The following TRAPPC9 variants were observed in gnomAD, a reference collection of about 807,000 sequenced individuals.
TRAPPC9 encodes the protein IKK2 binding protein.
TRAPPC9 carries 83 observed loss-of-function variants against 124.0 expected under a neutral mutation model. The ratio of observed to expected loss-of-function variants is 0.67; its 90% confidence interval spans 0.56 to 0.80. The LOEUF (loss-of-function observed/expected upper bound fraction) is 0.80. Ranked by LOEUF, TRAPPC9 falls within the 30% of genes least tolerant of loss-of-function variation. The probability of loss-of-function intolerance (pLI) is 0.00; values close to 1 mark genes in which losing one functional copy is unlikely to be tolerated. For missense variants in TRAPPC9, 1,302 were observed against 1,508.3 expected, an observed-to-expected ratio of 0.86 and a Z score of 2.27; for synonymous variants, 638 against 617.5, an observed-to-expected ratio of 1.03 and a Z score of -0.49.
chr8:140,393,488 C>T (rs542630522), intron 7 of TRAPPC9, among the ~76,000 whole-genome samples: 1 of 152,150 alleles, frequency 6.6e-6, no homozygotes, highest in East Asian at 1.9e-4. Flanking sequence ...TTATCATAAA[C>T]CATTCACCTA....
intron 17 of TRAPPC9, among the ~76,000 whole-genome samples, chr8:140,166,667 T>C (rs1194864598): frequency 6.6e-6 from 1 of 152,214 alleles, no homozygotes; most frequent in African/African-American, 2.4e-5. Flanking sequence ...GATACTGAGC[T>C]GGGGTCTGGA....
chr8:139,963,990 C>T (rs566562427), intron 19 of TRAPPC9, among the ~76,000 whole-genome samples: 4 of 152,038 alleles, frequency 2.6e-5, no homozygotes, highest in African/African-American at 4.8e-5. Context: ...TTTGGGAGGC[C>T]GAGGCGGGTG....
Position 140,354,174 on chromosome 8 carries a change from T to C in TRAPPC9, c.1495+5876A>G, listed in dbSNP as rs541029398. ...ACAAATATGTGCCATTCTAAACCTT[T>C]CACAAAGGAAGGAATCCCTCTGCCC... On this transcript the variant is annotated intron_variant, in intron 9 of 22. Transcript: ENST00000438773. Among the ~76,000 whole-genome samples, 7 of 152,314 alleles carry C rather than the reference T, an allele frequency of 4.6e-5. No individual in the cohort carries two copies. The East Asian group carries it at 1.2e-3, about 25-fold the overall frequency.
chr8:140,418,151 GTATACCTA>G (rs1413930895), intron 5 of TRAPPC9, among the ~76,000 whole-genome samples: 1 of 152,132 alleles, frequency 6.6e-6, no homozygotes, highest in Non-Finnish European at 1.5e-5. Context: ...CATGGCACGT[GTATACCTA>G]TATAACAAAC....
intron 9 of TRAPPC9, among the ~76,000 whole-genome samples, chr8:140,319,537 G>A (rs1367857170): frequency 6.6e-6 from 1 of 151,784 alleles, no homozygotes; most frequent in Non-Finnish European, 1.5e-5. Flanking sequence ...GTACAGTGGC[G>A]CGATCTGCAA....
At chr8:140,090,609 G>A (rs754454803) in intron 17 of TRAPPC9, among the ~76,000 whole-genome samples, 3 of 152,244 alleles carry the variant, frequency 2.0e-5, no homozygotes, top group Non-Finnish European at 4.4e-5. Flanking sequence ...CGCCAGCTGC[G>A]TAGAGGTCCG....
In TRAPPC9 at chr8:140,450,980, C is replaced by T. The variant is rs754722286; in HGVS notation, c.394G>A (p.Val132Met). Reference protein sequence around the residue: ...GEIVEQPRTDVAFYPNYEDCQ... With the variant: ...GEIVEQPRTDMAFYPNYEDCQ... ...TCCTCGTAGTTGGGGTAGAAAGCCACGTCGGTGCGCGGCTGCTCCACGATC... is the reference window on the plus strand; with the variant it reads ...TCCTCGTAGTTGGGGTAGAAAGCCATGTCGGTGCGCGGCTGCTCCACGATC... The change falls in exon 2 of 23, where the codon GTG becomes ATG. Residue 132 changes from valine (V) to methionine (M), a missense_variant. Around this residue, in one of 3 missense-constraint regions of TRAPPC9, gnomAD observed 657 missense variants for 811.2 expected, o/e 0.81. Coordinates refer to ENST00000438773, the MANE Select transcript of TRAPPC9 (RefSeq NM_001160372.4). 2.5e-6 allele frequency: 4 copies of T among 1,614,144 alleles called. No individual in the cohort carries two copies. Among genetic ancestry groups the T allele is most frequent in the East Asian group, 2.2e-5 (1 of 44,876 alleles).
chr8:140,181,279 G>A (rs1036988780), intron 17 of TRAPPC9, among the ~76,000 whole-genome samples: 4 of 152,028 alleles, frequency 2.6e-5, no homozygotes, highest in Admixed American at 6.6e-5. Flanking sequence ...GGGGCATGGG[G>A]AGACAGAATC....
rs114709021 is a variant in TRAPPC9, at chr8:140,028,038, G to A, written c.2557-3959C>T. ...TAACCACATCAAAAGGTTTTCTGAA[G>A]TTCAGTGTCACTGCCTTACCTCTTT... On this transcript the variant is annotated intron_variant, in intron 17 of 22. Transcript: ENST00000438773. Among the ~76,000 whole-genome samples, 737 of 152,190 alleles carry A rather than the reference G, an allele frequency of 4.8e-3. 6 individuals carry two copies. The highest frequency in any genetic ancestry group is 0.017 in the African/African-American group (694 of 41,512).
intron 9 of TRAPPC9, among the ~76,000 whole-genome samples, chr8:140,338,005 A>G (rs955725700): frequency 6.6e-6 from 1 of 152,192 alleles, no homozygotes; most frequent in African/African-American, 2.4e-5. Context: ...TGAACGTTCT[A>G]AAGAGGGCCT....
At chr8:139,843,004 C>A (rs911718214) in intron 21 of TRAPPC9, among the ~76,000 whole-genome samples, 8 of 152,232 alleles carry the variant, frequency 5.3e-5, no homozygotes, top group Non-Finnish European at 1.0e-4. Context: ...ACCTGGCCTG[C>A]CCCAGCCACT....
At chr8:139,903,227 C>T (rs1040080607) in intron 20 of TRAPPC9, among the ~76,000 whole-genome samples, 12 of 152,186 alleles carry the variant, frequency 7.9e-5, no homozygotes, top group African/African-American at 2.9e-4. Context: ...ACTCCAATCC[C>T]CTACTCTGGG....
intron 21 of TRAPPC9, among the ~76,000 whole-genome samples, chr8:139,761,216 T>G (rs886496383): frequency 1.3e-5 from 2 of 152,132 alleles, no homozygotes; most frequent in Admixed American, 6.5e-5. Flanking sequence ...GGGGGACCTG[T>G]TGGTAAAGGC....
intron 17 of TRAPPC9, among the ~76,000 whole-genome samples, chr8:140,107,737 A>G (rs1229583978): frequency 6.6e-6 from 1 of 152,204 alleles, no homozygotes; most frequent in Admixed American, 6.5e-5. Flanking sequence ...CAGCCATGAG[A>G]AGAGCTGAGG....
At chr8:139,757,747 T>C (rs1014019257) in intron 21 of TRAPPC9, among the ~76,000 whole-genome samples, 1 of 152,074 alleles carries the variant, frequency 6.6e-6, no homozygotes, top group African/African-American at 2.4e-5. Flanking sequence ...TGGGGCCTGG[T>C]GGGCTGAGTG....
intron 17 of TRAPPC9, among the ~76,000 whole-genome samples, chr8:140,113,263 T>C (rs565763107): frequency 1.3e-5 from 2 of 152,320 alleles, no homozygotes; most frequent in East Asian, 3.9e-4. Flanking sequence ...AGCAGCGCCA[T>C]CCCAGGCAGC....
intron 17 of TRAPPC9, chr8:140,095,622 A>C (rs534808272): frequency 6.6e-6 from 1 of 152,180 alleles, no homozygotes; most frequent in African/African-American, 2.4e-5. Flanking sequence ...CCCACCAAAG[A>C]AAACCACTTT....
chr8:139,910,435 C>A, intron 19 of TRAPPC9, 135 bp from the exon 20 acceptor site: 1 of 989,760 alleles, frequency 1.0e-6, no homozygotes, highest in Middle Eastern at 2.6e-4. Context: ...GGATTCATTC[C>A]AAGAAAATGA....
chr8:140,362,713 G>C (rs35236759), intron 8 of TRAPPC9, among the ~76,000 whole-genome samples: 4,145 of 152,240 alleles, frequency 0.027, 69 homozygotes, highest in Non-Finnish European at 0.042. Flanking sequence ...ATGAAGAAGA[G>C]ATTTTTTTAA....
Sources: gnomAD v4.1 joint callset for allele counts (sites outside exome capture counted in the v4.1 genomes callset) on GRCh38, gnomAD v4.1.1 for gene constraint, gnomAD v4.1.1 regional missense constraint, MANE v1.5 for transcripts, NCBI Gene and HGNC (gene_info 2026-07-23, HGNC 2026-07-21) for gene names.